Variants in ZBTB20 observed in about 807,000 individuals in gnomAD.
The protein encoded by ZBTB20 is zinc finger and BTB domain containing 20.
A neutral mutation model predicts 56.9 loss-of-function variants in ZBTB20; 9 were observed. The ratio of observed to expected loss-of-function variants is 0.16; its 90% confidence interval spans 0.10 to 0.28. The LOEUF (loss-of-function observed/expected upper bound fraction) is 0.28. Ranked by LOEUF, ZBTB20 falls within the 10% of genes least tolerant of loss-of-function variation. The pLI is 1.00. For missense variants in ZBTB20, 655 were observed against 1,003.0 expected (o/e 0.65, Z 4.69); for synonymous variants, 417 against 420.7 (o/e 0.99, Z 0.11).
At chr3:114,562,311 C>G (rs1387593979) in intron 6 of ZBTB20, among the ~76,000 whole-genome samples, 1 of 151,922 alleles carries the variant, frequency 6.6e-6, no homozygotes, top group African/African-American at 2.4e-5. Flanking sequence ...ACTACAGACA[C>G]GTGCCACCAC....
intron 2 of ZBTB20, among the ~76,000 whole-genome samples, chr3:115,067,161 C>T (rs767836658): frequency 5.3e-5 from 8 of 152,036 alleles, no homozygotes; most frequent in African/African-American, 1.2e-4. Flanking sequence ...AGACTGCACA[C>T]TTTTAGTAGA....
At chr3:115,123,930 C>T (rs977467935) in intron 1 of ZBTB20, among the ~76,000 whole-genome samples, 2 of 152,190 alleles carry the variant, frequency 1.3e-5, no homozygotes, top group African/African-American at 4.8e-5. Flanking sequence ...CTTAGCACTA[C>T]CCGAATAAAC....
intron 3 of ZBTB20, among the ~76,000 whole-genome samples, chr3:114,966,681 A>G (rs1457903684): frequency 6.6e-6 from 1 of 152,116 alleles, no homozygotes; most frequent in African/African-American, 2.4e-5. Flanking sequence ...GGAAGTACAA[A>G]ACATACAGGT....
chr3:114,580,828 T>C (rs2054572351), intron 6 of ZBTB20, among the ~76,000 whole-genome samples: 5 of 152,032 alleles, frequency 3.3e-5, no homozygotes, highest in Non-Finnish European at 1.5e-5. Flanking sequence ...GGATATAGTA[T>C]GTCACTGGGC....
At chr3:114,560,456 A>T (rs1158245127) in intron 6 of ZBTB20, among the ~76,000 whole-genome samples, 1 of 152,122 alleles carries the variant, frequency 6.6e-6, no homozygotes, top group Non-Finnish European at 1.5e-5. Flanking sequence ...TATTATTATT[A>T]TCTATTCTTA....
At chr3:114,766,264 T>TCTC (rs1273954572) in intron 5 of ZBTB20, among the ~76,000 whole-genome samples, 1 of 151,890 alleles carries the variant, frequency 6.6e-6, no homozygotes, top group Non-Finnish European at 1.5e-5. Flanking sequence ...TAGCTGGTAT[T>TCTC]GAGAGTGTTA....
intron 5 of ZBTB20, among the ~76,000 whole-genome samples, chr3:114,786,237 C>T (rs1231325176): frequency 6.6e-6 from 1 of 151,998 alleles, no homozygotes. Context: ...TGGTTTGCTG[C>T]ACCCATCAAC....
chr3:114,845,868 G>A (rs1017764795), intron 4 of ZBTB20, among the ~76,000 whole-genome samples: 1 of 152,132 alleles, frequency 6.6e-6, no homozygotes, highest in African/African-American at 2.4e-5. Flanking sequence ...AAGGTAATAT[G>A]CTACATTGGT....
At chr3:115,098,311 A>G (rs1038411071) in intron 1 of ZBTB20, among the ~76,000 whole-genome samples, 2 of 152,226 alleles carry the variant, frequency 1.3e-5, no homozygotes, top group Admixed American at 6.5e-5. Context: ...GTAGAATTTT[A>G]GATGGTCCTC....
chr3:114,848,535 T>G (rs957105550), intron 4 of ZBTB20, among the ~76,000 whole-genome samples: 3 of 152,148 alleles, frequency 2.0e-5, no homozygotes, highest in African/African-American at 7.2e-5. Flanking sequence ...ACTCCTGAGA[T>G]GGAGGTAAAG....
At position 114,908,442 on chromosome 3, in the gene ZBTB20, T is replaced by C. The variant is rs547913024; in HGVS notation, c.-455-8100A>G. 2.6e-5 allele frequency among the ~76,000 whole-genome samples: 4 copies of C among 152,032 alleles called. No homozygotes were observed. In the South Asian group the frequency reaches 8.3e-4, roughly 31 times the overall value. The stretch of plus-strand genomic sequence containing the variant: ...GAGAAATTTAGGGGTACAAATAAAG[T>C]TTGCAATAACTGTAATCACTGAGAA... On this transcript the variant is annotated intron_variant, in intron 3 of 11. Transcript: ENST00000675478.
At chr3:115,110,691 T>C (rs2083853072) in intron 1 of ZBTB20, among the ~76,000 whole-genome samples, 1 of 152,196 alleles carries the variant, frequency 6.6e-6, no homozygotes, top group Non-Finnish European at 1.5e-5. Flanking sequence ...AAGAGAATTG[T>C]ATATAAAACA....
In ZBTB20 at chr3:114,332,844, T is replaced by G. The variant is rs943250477; in HGVS notation, c.*6161A>C. 7 of 152,168 alleles carry G rather than the reference T, an allele frequency of 4.6e-5. No homozygotes were observed. Among genetic ancestry groups the G allele is most frequent in the African/African-American group, 1.7e-4 (7 of 41,442 alleles). The allele number at this position is 152,168 out of a possible 1,614,324, so 9.4% of individuals were successfully genotyped here. A position where few individuals can be genotyped will look rare whatever the true frequency, so the allele number is the denominator to read the frequency against. On this transcript the variant is annotated 3_prime_UTR_variant, in exon 12 of 12. Coordinates refer to ENST00000675478, the MANE Select transcript of ZBTB20 (RefSeq NM_001348800.3). ...GGAGCCTAAAGAAACCACTGGCAGG[T>G]GTTTTAGTCAGTGGTGTGGAAAGAT...
intron 2 of ZBTB20, among the ~76,000 whole-genome samples, chr3:115,055,606 A>G (rs1228514611): frequency 6.6e-6 from 1 of 152,208 alleles, no homozygotes; most frequent in Admixed American, 6.6e-5. Context: ...ATGAGATAAT[A>G]GAGATATAAA....
At chr3:115,120,139 G>A (rs1227325346) in intron 1 of ZBTB20, among the ~76,000 whole-genome samples, 3 of 152,044 alleles carry the variant, frequency 2.0e-5, no homozygotes, top group Non-Finnish European at 4.4e-5. Flanking sequence ...CCCATAAAAT[G>A]TATAACGCCA....
intron 5 of ZBTB20, among the ~76,000 whole-genome samples, chr3:114,786,259 A>G (rs986499799): frequency 6.6e-6 from 1 of 152,032 alleles, no homozygotes; most frequent in Admixed American, 6.6e-5. Context: ...TGTCATCTAC[A>G]TCAGGTATTT....
At chr3:114,486,650 G>A (rs1246475390) in intron 7 of ZBTB20, among the ~76,000 whole-genome samples, 8 of 152,104 alleles carry the variant, frequency 5.3e-5, no homozygotes, top group African/African-American at 1.7e-4. Flanking sequence ...CTAGGCTGAA[G>A]GCTACTATTA....
chr3:114,803,642 G>C (rs1578939864), intron 4 of ZBTB20, among the ~76,000 whole-genome samples: 1 of 151,904 alleles, frequency 6.6e-6, no homozygotes, highest in East Asian at 1.9e-4. Context: ...TATATAGTGG[G>C]GTTATCAGGT....
intron 4 of ZBTB20, among the ~76,000 whole-genome samples, chr3:114,845,970 T>C (rs1435469481): frequency 6.6e-6 from 1 of 152,172 alleles, no homozygotes; most frequent in Non-Finnish European, 1.5e-5. Flanking sequence ...GGTGCTTAAA[T>C]AGGTACTCAA....
Sources: gnomAD v4.1 joint callset for allele counts (sites outside exome capture counted in the v4.1 genomes callset) on GRCh38, gnomAD v4.1.1 for gene constraint, MANE v1.5 for transcripts, NCBI Gene and HGNC (gene_info 2026-07-23, HGNC 2026-07-21) for gene names.